The following MYO6 variants were observed in gnomAD, a reference collection of about 807,000 sequenced individuals.
MYO6 encodes the protein myosin VI.
MYO6 carries 74 observed loss-of-function variants against 178.7 expected under a neutral mutation model. The observed-to-expected ratio is 0.41, with a 90% CI of 0.34 to 0.50. The LOEUF (loss-of-function observed/expected upper bound fraction) is 0.50. Among genes scored for constraint, MYO6 ranks in the 20% least tolerant of loss-of-function variants. The pLI, the probability that MYO6 is intolerant of heterozygous loss-of-function variation, is 0.09. For synonymous variants in MYO6, 477 were observed against 504.6 expected (o/e 0.95, Z 0.73); for missense variants, 1,330 against 1,547.4 (o/e 0.86, Z 2.36).
rs1227871048 is a variant in MYO6 at position 75,908,774 on chromosome 6, CCTAT to C, written c.3412+150_3412+153del. 1.1e-5 allele frequency: 8 copies of C among 751,562 alleles called. No homozygotes were observed. In the Admixed American group the frequency reaches 1.5e-4, roughly 14 times the overall value. 46.6% of individuals were successfully genotyped at this position (751,562 alleles called of 1,614,324 possible). On this transcript the variant is annotated intron_variant, in intron 32 of 34. Coordinates refer to ENST00000369977, the MANE Select transcript of MYO6 (RefSeq NM_004999.4). ...ATTGAACCTAATACAGCCTTGATGG[CCTAT>C]CTTTTATAGCGTTATTTTTATGAGT... is the stretch of plus-strand genomic sequence containing the variant.
intron 9 of MYO6, among the ~76,000 whole-genome samples, chr6:75,844,465 G>T (rs770615084): frequency 1.1e-4 from 17 of 152,050 alleles, no homozygotes; most frequent in Non-Finnish European, 2.4e-4. Flanking sequence ...ATCAAGGATA[G>T]AATTTCTTAA....
intron 1 of MYO6, among the ~76,000 whole-genome samples, chr6:75,764,651 A>G (rs1354933788): frequency 6.6e-6 from 1 of 152,054 alleles, no homozygotes; most frequent in Non-Finnish European, 1.5e-5. Context: ...TCTTTTACAC[A>G]CTTAAAAATT....
intron 1 of MYO6, among the ~76,000 whole-genome samples, chr6:75,753,751 C>T (rs911706476): frequency 3.3e-5 from 5 of 152,000 alleles, no homozygotes; most frequent in South Asian, 2.1e-4. Context: ...CATGAGCTAC[C>T]GTGCCTTGCC....
chr6:75,752,986 G>C (rs139947404), intron 1 of MYO6, among the ~76,000 whole-genome samples: 2 of 152,186 alleles, frequency 1.3e-5, no homozygotes, highest in Non-Finnish European at 2.9e-5. Flanking sequence ...ATCTTGAGAG[G>C]GGGGACTCGT....
intron 1 of MYO6, among the ~76,000 whole-genome samples, chr6:75,777,354 AAC>A (rs1766491517): frequency 6.6e-6 from 1 of 152,142 alleles, no homozygotes; most frequent in Admixed American, 6.5e-5. Context: ...GGCTGTTTGA[AAC>A]ACAGACTTTG....
intron 2 of MYO6, among the ~76,000 whole-genome samples, chr6:75,818,504 T>C (rs1221715041): frequency 6.6e-6 from 1 of 152,230 alleles, no homozygotes; most frequent in Non-Finnish European, 1.5e-5. Flanking sequence ...ATTTTTAGTT[T>C]AATAAGTATG....
chr6:75,791,166 C>A (rs893829724), intron 1 of MYO6, among the ~76,000 whole-genome samples: 2 of 152,164 alleles, frequency 1.3e-5, no homozygotes, highest in African/African-American at 4.8e-5. Flanking sequence ...ATCTCCTGAC[C>A]TCGTGATCCA....
rs1179883505 is a variant in MYO6, at chr6:75,861,074, G to T, written c.1525G>T (p.Val509Leu). The change falls in exon 15 of 35, where the codon GTG (valine) becomes TTG (leucine). Residue 509 changes from valine (V) to leucine (L), a missense_variant. Around this residue, in one of 3 missense-constraint regions of MYO6, gnomAD observed 613 missense variants for 816.8 expected, o/e 0.75. Coordinates refer to ENST00000369977, the MANE Select transcript of MYO6 (RefSeq NM_004999.4). ...EGLGVNEVHYVDNQDCIDLIE... is the reference protein window; with the variant it reads ...EGLGVNEVHYLDNQDCIDLIE... ...TTTAGGTGTTAATGAAGTGCATTAT[G>T]TGGATAATCAGGACTGTATAGGTAT... The T allele has an allele frequency of 1.9e-6, 3 of 1,610,412 alleles. No individual in the cohort carries two copies. Among genetic ancestry groups the T allele is most frequent in the Non-Finnish European group, 2.5e-6 (3 of 1,176,932 alleles).
intron 6 of MYO6, among the ~76,000 whole-genome samples, chr6:75,833,990 G>A (rs1054047430): frequency 2.0e-5 from 3 of 152,190 alleles, no homozygotes; most frequent in African/African-American, 7.2e-5. Flanking sequence ...GATCTTGGAG[G>A]ATACTGGTAC....
Position 75,914,793 on chromosome 6 carries a change from C to A in MYO6, c.3659-20C>A. The A allele has an allele frequency of 6.2e-7, 1 of 1,611,906 alleles. No homozygotes were observed. The highest frequency in any genetic ancestry group is 8.5e-7 in the Non-Finnish European group (1 of 1,178,002). On this transcript the variant is annotated intron_variant, in intron 34 of 34. Transcript: ENST00000369977. ...TCCTGAAGAGAGAGATGGTAATTTT[C>A]TGATATCTCATGAATACAGGTAAGG...
intron 1 of MYO6, among the ~76,000 whole-genome samples, chr6:75,757,932 G>A (rs1330336923): frequency 6.8e-6 from 1 of 147,880 alleles, no homozygotes; most frequent in Non-Finnish European, 1.5e-5. Context: ...AAAGCAAGAA[G>A]AGCAATATAT....
At chr6:75,842,480 G>A (rs1302019325) in intron 9 of MYO6, among the ~76,000 whole-genome samples, 1 of 152,172 alleles carries the variant, frequency 6.6e-6, no homozygotes, top group Non-Finnish European at 1.5e-5. Context: ...GGTTGTGTGT[G>A]TGCGTGTGTG....
intron 1 of MYO6, among the ~76,000 whole-genome samples, chr6:75,814,008 T>C (rs1359679941): frequency 2.0e-5 from 3 of 152,168 alleles, no homozygotes; most frequent in African/African-American, 7.2e-5. Flanking sequence ...GCCGCCCAGC[T>C]GGTGTTCTCA....
intron 1 of MYO6, among the ~76,000 whole-genome samples, chr6:75,766,140 T>G (rs1272664862): frequency 6.6e-6 from 1 of 152,044 alleles, no homozygotes; most frequent in Admixed American, 6.6e-5. Context: ...CTGGCCAACA[T>G]GGCGAAACCC....
chr6:75,841,072 G>T (rs1220657571), intron 8 of MYO6, 142 bp from the exon 9 acceptor site: 2 of 823,814 alleles, frequency 2.4e-6, no homozygotes, highest in Non-Finnish European at 1.9e-6. Flanking sequence ...TTAGTTATTT[G>T]TTTTTTCCCC....
intron 15 of MYO6, 42 bp from the exon 16 acceptor site, chr6:75,862,552 TTA>T: frequency 6.5e-7 from 1 of 1,529,596 alleles, no homozygotes; most frequent in Non-Finnish European, 9.0e-7. Context: ...CTTTAAAATG[TTA>T]TGTTTTTACA....
At chr6:75,841,587 G>A (rs1774233053) in intron 9 of MYO6, among the ~76,000 whole-genome samples, 1 of 152,062 alleles carries the variant, frequency 6.6e-6, no homozygotes, top group Non-Finnish European at 1.5e-5. Flanking sequence ...CCAGCTACTC[G>A]GGAGGCTGAG....
intron 30 of MYO6, among the ~76,000 whole-genome samples, chr6:75,901,386 C>T (rs1779764427): frequency 6.6e-6 from 1 of 152,110 alleles, no homozygotes; most frequent in Non-Finnish European, 1.5e-5. Context: ...TGTTTGTATC[C>T]TCTTTTATTT....
At chr6:75,875,005 C>G (rs1042842074) in intron 20 of MYO6, among the ~76,000 whole-genome samples, 1 of 152,168 alleles carries the variant, frequency 6.6e-6, no homozygotes. Flanking sequence ...GGCGTATGCC[C>G]CTGCTTTTCT....
Sources: gnomAD v4.1 joint callset for allele counts (sites outside exome capture counted in the v4.1 genomes callset) on GRCh38, gnomAD v4.1.1 for gene constraint, gnomAD v4.1.1 regional missense constraint, MANE v1.5 for transcripts, NCBI Gene and HGNC (gene_info 2026-07-23, HGNC 2026-07-21) for gene names.